The following TMEM183A variants were observed in gnomAD, a reference collection of about 807,000 sequenced individuals.
TMEM183A encodes the protein chromosome 1 open reading frame 37.
A neutral mutation model predicts 46.7 loss-of-function variants in TMEM183A; 21 were observed. That is an observed-to-expected ratio of 0.45 (90% CI 0.32 to 0.65). The LOEUF (loss-of-function observed/expected upper bound fraction) is 0.65, where lower values mean the gene tolerates loss of function less well. TMEM183A is among the 30% of genes least tolerant of loss of function. The probability of loss-of-function intolerance (pLI) is 0.04; values close to 1 mark genes in which losing one functional copy is unlikely to be tolerated. For synonymous variants in TMEM183A, 165 were observed against 180.2 expected (o/e 0.92, Z 0.68); for missense variants, 331 against 481.9 (o/e 0.69, Z 2.93).
At position 203,013,975 on chromosome 1, in the gene TMEM183A, G is replaced by A. The variant is rs1571610847; in HGVS notation, c.368-914G>A. Among the ~76,000 whole-genome samples the A allele has an allele frequency of 5.3e-5, 8 of 151,860 alleles. 1 individual carries two copies. In the South Asian group the frequency reaches 1.5e-3, roughly 28 times the overall value. On this transcript the variant is annotated intron_variant, in intron 3 of 7. Coordinates refer to ENST00000367242, the MANE Select transcript of TMEM183A (RefSeq NM_138391.6). This position sits in a 1 kb window ranked among gnomAD's most constrained non-coding sequence, Gnocchi z 4.0. ...TCACCATGTTGGCCAGGATGGTCTCGATCTCTTGACCTCGTGATCTGCCTG... is the reference window on the plus strand; with the variant it reads ...TCACCATGTTGGCCAGGATGGTCTCAATCTCTTGACCTCGTGATCTGCCTG...
At chr1:203,015,093 C>T (rs776466958) in intron 4 of TMEM183A, 45 bp downstream of exon 4, 1 of 1,601,442 alleles carries the variant, frequency 6.2e-7, no homozygotes, top group Non-Finnish European at 8.5e-7. Context: ...TGGCTGATTT[C>T]ATTACTGTTT....
At chr1:203,019,335 G>T (rs1657452302) in intron 6 of TMEM183A, among the ~76,000 whole-genome samples, 1 of 152,202 alleles carries the variant, frequency 6.6e-6, no homozygotes, top group African/African-American at 2.4e-5. Context: ...ACAACCTACT[G>T]CAAAGAGTAA....
At chr1:203,017,673 G>A in intron 5 of TMEM183A, 2 of 937,774 alleles carry the variant, frequency 2.1e-6, no homozygotes, top group Non-Finnish European at 2.5e-6. Flanking sequence ...CATTCAGGGA[G>A]TTGCCAGCAT....
At position 203,020,929 on chromosome 1, in the gene TMEM183A, T is replaced by C; in HGVS notation, c.926T>C (p.Met309Thr). 6.2e-7 allele frequency: 1 copy of C among 1,611,264 alleles called. No individual in the cohort carries two copies. Among genetic ancestry groups the C allele is most frequent in the Non-Finnish European group, 8.5e-7 (1 of 1,179,106 alleles). ...TLNFIFIPIV[M>T]GMIFTLFTIN... ...AATTTCATCTTTATTCCGATTGTCATGGGAATGATATTTACTCTGGTAAGT... is the reference window on the plus strand; with the variant it reads ...AATTTCATCTTTATTCCGATTGTCACGGGAATGATATTTACTCTGGTAAGT... Residue 309 changes from methionine (M) to threonine (T), a missense_variant, in exon 7 of 8, where the codon ATG (methionine) becomes ACG (threonine). Physicochemically the swap from Met to Thr is moderately conservative, Grantham distance 81. Coordinates refer to ENST00000367242, the MANE Select transcript of TMEM183A (RefSeq NM_138391.6).
rs995074575 is a variant in TMEM183A at position 203,014,338 on chromosome 1, C to T, written c.368-551C>T. On this transcript the variant is annotated intron_variant, in intron 3 of 7. Coordinates refer to ENST00000367242, the MANE Select transcript of TMEM183A (RefSeq NM_138391.6). ...AAAATGATGGTCAGGTGCAGTGGCT[C>T]ACGCCAGTAATCCCAGCACTTTGGG... is the stretch of plus-strand genomic sequence containing the variant. Among the ~76,000 whole-genome samples the T allele has an allele frequency of 6.6e-4, 101 of 152,174 alleles. 6 individuals are homozygous for T. Among genetic ancestry groups the T allele is most frequent in the Non-Finnish European group, 1.2e-4 (8 of 68,036 alleles).
In TMEM183A at chr1:203,024,665, C is replaced by CA. The variant is rs1449107503; in HGVS notation, c.*1627dup. ...TGAGTGATAACAGACAACCTAAGGA[C>CA]AATGAGCACTTTGCAGATCTCTACA... On this transcript the variant is annotated 3_prime_UTR_variant, in exon 8 of 8. Coordinates refer to ENST00000367242, the MANE Select transcript of TMEM183A (RefSeq NM_138391.6). 3 of 152,088 alleles carry CA rather than the reference C, an allele frequency of 2.0e-5. No homozygotes were observed. The highest frequency in any genetic ancestry group is 7.2e-5 in the African/African-American group (3 of 41,396). 9.4% of individuals were successfully genotyped at this position (152,088 alleles called of 1,614,324 possible).
Position 203,015,982 on chromosome 1 carries a change from C to G in TMEM183A, c.550C>G (p.Leu184Val). ...CAGGCACTACACGCTGGATGCTTCC[C>G]TGCCTTTGCGTCTGCGACCAGAGTC... The part of the protein sequence containing the change: ...YRRHYTLDAS[L>V]PLRLRPESME... The change falls in exon 5 of 8, where the codon CTG (leucine) becomes GTG (valine). Residue 184 changes from leucine to valine, a missense_variant. By Grantham distance (32) the Leu-to-Val change is conservative (BLOSUM62 1). Around this residue, in one of 2 missense-constraint regions of TMEM183A, gnomAD observed 233 missense variants for 385.8 expected, o/e 0.60. Transcript: ENST00000367242. 1 of 1,614,006 alleles carries G rather than the reference C, an allele frequency of 6.2e-7. No homozygotes were observed. The highest frequency in any genetic ancestry group is 8.5e-7 in the Non-Finnish European group (1 of 1,179,868).
chr1:203,010,874 T>C (rs1479079245), intron 3 of TMEM183A, among the ~76,000 whole-genome samples: 2 of 152,202 alleles, frequency 1.3e-5, no homozygotes, highest in Non-Finnish European at 2.9e-5. Flanking sequence ...CCTCCAGCCC[T>C]TGGAAACCAC....
chr1:203,007,829 C>CT lies in TMEM183A; in HGVS notation c.165_166insT (p.Lys56Ter). The CT allele has an allele frequency of 6.2e-7, 1 of 1,613,992 alleles. No homozygotes were observed. Among genetic ancestry groups the CT allele is most frequent in the Non-Finnish European group, 8.5e-7 (1 of 1,179,896 alleles). ...CGGCGGTCGTGAGGTCTGGACGAGT[C>CT]AAGAAAGCCGTAGCCAACGCTGTTC... On this transcript the variant is annotated frameshift_variant, in exon 2 of 8. Transcript: ENST00000367242. LOFTEE classifies it high-confidence loss of function.
chr1:203,013,916 A>G lies in TMEM183A; in HGVS notation c.368-973A>G, dbSNP rs1656915449. 6.6e-6 allele frequency among the ~76,000 whole-genome samples: 1 copy of G among 151,058 alleles called. No homozygotes were observed. The stretch of plus-strand genomic sequence containing the variant: ...ATTACAGGCACGTGCCACCACGCCC[A>G]GCTAATTTTTGTATTTTTAGTAGAG... On this transcript the variant is annotated intron_variant, in intron 3 of 7. Coordinates refer to ENST00000367242, the MANE Select transcript of TMEM183A (RefSeq NM_138391.6). The surrounding 1 kb of genome is among the most constrained non-coding windows in gnomAD (Gnocchi z 4.0).
rs376947389 is a variant in TMEM183A, at chr1:203,023,037, G to A, written c.1128G>A (p.Ala376=). The change falls in exon 8 of 8, where the codon GCG becomes GCA. Residue 376 remains alanine (A), a synonymous_variant. Coordinates refer to ENST00000367242, the MANE Select transcript of TMEM183A (RefSeq NM_138391.6). ...CTCAGTACCCATTCTCCCTGAGAGC[G>A]TAGTTACTGCTTCCCATCCCTTGGG... ...WHPQYPFSLR[A] 2.0e-4 allele frequency: 298 copies of A among 1,526,578 alleles called. No individual in the cohort carries two copies. The highest frequency in any genetic ancestry group is 2.5e-4 in the Non-Finnish European group (286 of 1,123,346). The allele number at this position is 1,526,578 out of a possible 1,614,324, so 94.6% of individuals were successfully genotyped here.
chr1:203,008,248 G>A (rs551366949), intron 2 of TMEM183A, among the ~76,000 whole-genome samples: 1 of 152,228 alleles, frequency 6.6e-6, no homozygotes, highest in Non-Finnish European at 1.5e-5. Flanking sequence ...TGAGACTTGT[G>A]TTTTATGACA....
rs111906628 is a variant in TMEM183A at position 203,024,480 on chromosome 1, A to ATTTTTTTTTTTTTTTTTTTTTTT, written c.*1445_*1446insTTTTTTTTTTTTTTTTTTTTTTT. On this transcript the variant is annotated 3_prime_UTR_variant, in exon 8 of 8. Transcript: ENST00000367242. ...TTGTGAGGCAAACTGCTAAATTCAC[A>ATTTTTTTTTTTTTTTTTTTTTTT]TTTTTGTTTTTTTTTTTTTACCATC... 1 of 143,278 alleles carries ATTTTTTTTTTTTTTTTTTTTTTT rather than the reference A, an allele frequency of 7.0e-6. No homozygotes were observed. The highest frequency in any genetic ancestry group is 1.5e-5 in the Non-Finnish European group (1 of 64,776). 8.9% of individuals were successfully genotyped at this position (143,278 alleles called of 1,614,324 possible).
intron 7 of TMEM183A, among the ~76,000 whole-genome samples, chr1:203,021,406 C>A (rs1046355805): frequency 1.3e-5 from 2 of 149,890 alleles, no homozygotes; most frequent in Middle Eastern, 6.8e-3. Flanking sequence ...TATCTTTTTT[C>A]AAAAAAAAAG....
In TMEM183A at chr1:203,020,770, GATTA is replaced by G; in HGVS notation, c.790-19_790-16del. 1 of 1,613,490 alleles carries G rather than the reference GATTA, an allele frequency of 6.2e-7. No individual in the cohort carries two copies. The highest frequency in any genetic ancestry group is 8.5e-7 in the Non-Finnish European group (1 of 1,179,698). ...ATATAATGTTTCTTCTAAGCCATTG[GATTA>G]ATTCTCAGTTCTCTTCAGTCCCCTA... On this transcript the variant is annotated intron_variant, in intron 6 of 7. Coordinates refer to ENST00000367242, the MANE Select transcript of TMEM183A (RefSeq NM_138391.6).
At chr1:203,021,643 A>G (rs890188896) in intron 7 of TMEM183A, among the ~76,000 whole-genome samples, 5 of 152,214 alleles carry the variant, frequency 3.3e-5, no homozygotes, top group African/African-American at 1.2e-4. Flanking sequence ...GGGGTTACAA[A>G]TGGGATATTA....
At chr1:203,021,227 TCA>T (rs1657653004) in intron 7 of TMEM183A, among the ~76,000 whole-genome samples, 1 of 152,134 alleles carries the variant, frequency 6.6e-6, no homozygotes, top group African/African-American at 2.4e-5. Flanking sequence ...AATGGGTGTC[TCA>T]CAGCGTTGCT....
rs56743654 is a variant in TMEM183A, at chr1:203,012,235, T to TCACACACACACACACACACACACA, written c.368-2634_368-2611dup. 6.6e-3 allele frequency among the ~76,000 whole-genome samples: 531 copies of TCACACACACACACACACACACACA among 80,820 alleles called. 22 individuals carry two copies. The highest frequency in any genetic ancestry group is 9.1e-3 in the Non-Finnish European group (382 of 42,144). 53.0% of individuals were successfully genotyped at this position (80,820 alleles called of 152,430 possible). On this transcript the variant is annotated intron_variant, in intron 3 of 7. Coordinates refer to ENST00000367242, the MANE Select transcript of TMEM183A (RefSeq NM_138391.6). The stretch of plus-strand genomic sequence containing the variant: ...ACTTCAACCATTACTCCCCACTCCA[T>TCACACACACACACACACACACACA]CACACACACACACACACACACACAC...
chr1:203,009,326 G>A (rs1160345269), intron 3 of TMEM183A, among the ~76,000 whole-genome samples: 1 of 152,096 alleles, frequency 6.6e-6, no homozygotes, highest in Non-Finnish European at 1.5e-5. Flanking sequence ...TAGAAAAGTA[G>A]GTGATTTTTT....
Sources: gnomAD v4.1 joint callset for allele counts (sites outside exome capture counted in the v4.1 genomes callset) on GRCh38, gnomAD v4.1.1 for gene constraint, gnomAD v4.1.1 regional missense constraint, Gnocchi (gnomAD v3.1) non-coding constraint, MANE v1.5 for transcripts, NCBI Gene and HGNC (gene_info 2026-07-23, HGNC 2026-07-21) for gene names.